RBFOX3: variants seen among roughly 807,000 people sequenced by gnomAD.
RBFOX3 encodes RNA binding fox-1 homolog 3.
RBFOX3 carries 17 observed loss-of-function variants against 48.7 expected under a neutral mutation model. That is an observed-to-expected ratio of 0.35 (90% CI 0.24 to 0.52). RBFOX3 has a LOEUF of 0.52. Ranked by LOEUF, RBFOX3 falls within the 20% of genes least tolerant of loss-of-function variation. The pLI, the probability that RBFOX3 is intolerant of heterozygous loss-of-function variation, is 0.94. For synonymous variants in RBFOX3, 212 were observed against 209.5 expected, an observed-to-expected ratio of 1.01 and a Z score of -0.10; for missense variants, 382 against 497.5, an observed-to-expected ratio of 0.77 and a Z score of 2.21.
chr17:79,273,381 T>C (rs2068086385), intron 3 of RBFOX3, among the ~76,000 whole-genome samples: 1 of 151,216 alleles, frequency 6.6e-6, no homozygotes, highest in Admixed American at 6.5e-5. Flanking sequence ...TTTTCCAGGA[T>C]ACTTCAGTCC....
At chr17:79,303,940 G>A (rs1309987938) in intron 3 of RBFOX3, among the ~76,000 whole-genome samples, 1 of 151,990 alleles carries the variant, frequency 6.6e-6, no homozygotes, top group African/African-American at 2.4e-5. Context: ...CATGAGGGAA[G>A]GAACATGAAG....
chr17:79,216,996 G>T (rs113213078), intron 4 of RBFOX3, among the ~76,000 whole-genome samples: 1 of 152,134 alleles, frequency 6.6e-6, no homozygotes, highest in East Asian at 1.9e-4. Context: ...TGAAACATCC[G>T]AAGGCAGAGA....
chr17:79,394,488 C>A (rs1349625865), intron 2 of RBFOX3, among the ~76,000 whole-genome samples: 1 of 152,154 alleles, frequency 6.6e-6, no homozygotes, highest in East Asian at 1.9e-4. Context: ...TAGTGCTTGG[C>A]CAAAAATGGA....
intron 1 of RBFOX3, among the ~76,000 whole-genome samples, chr17:79,554,511 T>TCTCCATCCTCACTCACAGTCACCCCC (rs1599138257): frequency 6.6e-6 from 1 of 151,958 alleles, no homozygotes; most frequent in African/African-American, 2.4e-5. Context: ...GACCTGGCCC[T>TCTCCATCCTCACTCACAGTCACCCCC]GCTGGCCCTT....
intron 4 of RBFOX3, among the ~76,000 whole-genome samples, chr17:79,153,367 AT>A (rs2045034216): frequency 6.6e-6 from 1 of 152,218 alleles, no homozygotes; most frequent in Non-Finnish European, 1.5e-5. Context: ...CATTGAGAGA[AT>A]TTCCAAATTC....
chr17:79,529,764 C>T lies in RBFOX3; in HGVS notation c.-319-47166G>A, dbSNP rs1007185704. ...AGTGAGGAAGGAAGGGTCGAGGGCA[C>T]TGCTCATCCTGCCCCCGTCCCCTGA... On this transcript the variant is annotated intron_variant, in intron 1 of 14. Coordinates refer to ENST00000693108, the MANE Select transcript of RBFOX3 (RefSeq NM_001350451.2). Among the ~76,000 whole-genome samples the T allele has an allele frequency of 6.9e-3, 1,046 of 152,314 alleles. 7 individuals carry two copies. Among genetic ancestry groups the T allele is most frequent in the African/African-American group, 0.024 (978 of 41,572 alleles).
chr17:79,331,407 T>G (rs1228046441), intron 2 of RBFOX3, among the ~76,000 whole-genome samples: 4 of 152,140 alleles, frequency 2.6e-5, no homozygotes, highest in African/African-American at 9.7e-5. Flanking sequence ...CTCCAAAGCC[T>G]CTGGGGGGTG....
chr17:79,605,188 G>C (rs1292039074), intron 1 of RBFOX3, among the ~76,000 whole-genome samples: 1 of 152,116 alleles, frequency 6.6e-6, no homozygotes, highest in Non-Finnish European at 1.5e-5. Flanking sequence ...GGTTACCTTT[G>C]TTTGTTTGTT....
At chr17:79,624,306 C>T in the RBFOX3 span, among the ~76,000 whole-genome samples, 2 of 152,040 alleles carry the variant, frequency 1.3e-5, no homozygotes, top group African/African-American at 4.8e-5. Context: ...GACACACCTG[C>T]CTGGCCAAGT....
chr17:79,487,911 C>CAAAAAAAAAAAA (rs1384437696), intron 1 of RBFOX3, among the ~76,000 whole-genome samples: 1 of 6,426 alleles, frequency 1.6e-4, no homozygotes, highest in Non-Finnish European at 8.5e-4. Flanking sequence ...GACCCCATCT[C>CAAAAAAAAAAAA]AGAAAAAAAA....
intron 3 of RBFOX3, chr17:79,298,128 T>C (rs368412881): frequency 2.3e-4 from 35 of 152,246 alleles, no homozygotes; most frequent in African/African-American, 7.7e-4. Context: ...AGATGTCTTC[T>C]GGAAGTCAGA....
At chr17:79,424,450 C>G (rs193003470) in intron 2 of RBFOX3, among the ~76,000 whole-genome samples, 1 of 152,304 alleles carries the variant, frequency 6.6e-6, no homozygotes, top group African/African-American at 2.4e-5. Flanking sequence ...CCGCTCCCCC[C>G]GCAACTGAGC....
intron 2 of RBFOX3, among the ~76,000 whole-genome samples, chr17:79,321,133 G>A (rs2078463178): frequency 6.6e-6 from 1 of 152,160 alleles, no homozygotes; most frequent in Admixed American, 6.5e-5. Context: ...AGATTGAGAT[G>A]GTCTAAAGCA....
At chr17:79,620,327 G>A in the RBFOX3 span, among the ~76,000 whole-genome samples, 2 of 138,384 alleles carry the variant, frequency 1.4e-5, no homozygotes, top group African/African-American at 2.7e-5. Flanking sequence ...GTACATACAC[G>A]CACGCACACA....
intron 2 of RBFOX3, among the ~76,000 whole-genome samples, chr17:79,380,631 C>T (rs1447086657): frequency 1.3e-5 from 2 of 152,210 alleles, no homozygotes; most frequent in Non-Finnish European, 2.9e-5. Context: ...GGCAGGCACT[C>T]AGGAGAAGGG....
chr17:79,448,417 GC>G (rs1419980863), intron 2 of RBFOX3, among the ~76,000 whole-genome samples: 1 of 152,190 alleles, frequency 6.6e-6, no homozygotes, highest in Admixed American at 6.5e-5. Context: ...ATTATGATGG[GC>G]CCTAAATCCA....
chr17:79,116,676 G>T (rs1466017549), intron 4 of RBFOX3, among the ~76,000 whole-genome samples: 1 of 152,226 alleles, frequency 6.6e-6, no homozygotes, highest in Non-Finnish European at 1.5e-5. Context: ...GTGTGTCGGG[G>T]GGCAGGGAGG....
chr17:79,552,061 G>C lies in RBFOX3; in HGVS notation c.-320+58765C>G, dbSNP rs1050324124. Among the ~76,000 whole-genome samples, 867 of 152,298 alleles carry C rather than the reference G, an allele frequency of 5.7e-3. 7 individuals carry two copies. Among genetic ancestry groups the C allele is most frequent in the African/African-American group, 0.02 (831 of 41,552 alleles). ...TAATAAGCCCTTACATGATGCTGAC[G>C]TTGGTCCAAGGACAATATTTTGAAC... On this transcript the variant is annotated intron_variant, in intron 1 of 14. Transcript: ENST00000693108.
chr17:79,519,637 G>A (rs2085767706), intron 1 of RBFOX3, among the ~76,000 whole-genome samples: 1 of 152,200 alleles, frequency 6.6e-6, no homozygotes. Flanking sequence ...GCTCCTGGGA[G>A]GTCACCCCTA....
Sources: allele counts gnomAD v4.1 joint callset (sites outside exome capture counted in the v4.1 genomes callset), GRCh38; gene constraint gnomAD v4.1.1; transcripts MANE v1.5; gene names NCBI Gene and HGNC (gene_info 2026-07-23, HGNC 2026-07-21).